CTNNA2: variants seen among roughly 807,000 people sequenced by gnomAD.
CTNNA2 encodes the protein catenin alpha-2.
Under a neutral mutation model 101.0 loss-of-function variants are expected in CTNNA2, and 42 were observed. The observed-to-expected ratio is 0.42, with a 90% CI of 0.32 to 0.54. The LOEUF (loss-of-function observed/expected upper bound fraction) is 0.54. CTNNA2 is among the 20% of genes least tolerant of loss of function. The pLI, the probability that CTNNA2 is intolerant of heterozygous loss-of-function variation, is 0.14. For missense variants in CTNNA2, 871 were observed against 1,223.1 expected (o/e 0.71, Z 4.29); for synonymous variants, 450 against 456.4 (o/e 0.99, Z 0.18).
chr2:80,216,417 T>C (rs951554094), intron 7 of CTNNA2, among the ~76,000 whole-genome samples: 5 of 152,176 alleles, frequency 3.3e-5, no homozygotes, highest in Non-Finnish European at 7.3e-5. Flanking sequence ...ATAACAATAA[T>C]AATAATAATG....
chr2:79,747,011 A>G (rs749123280), intron 3 of CTNNA2, among the ~76,000 whole-genome samples: 3 of 152,196 alleles, frequency 2.0e-5, no homozygotes, highest in Non-Finnish European at 4.4e-5. Context: ...CTACCACTGT[A>G]TCAATTCACA....
At chr2:80,224,260 C>T (rs978757632) in intron 7 of CTNNA2, among the ~76,000 whole-genome samples, 1 of 152,146 alleles carries the variant, frequency 6.6e-6, no homozygotes, top group Admixed American at 6.5e-5. Context: ...TAGCACCCAC[C>T]CTTACCCTCT....
chr2:79,263,632 T>A (rs1240042548), intron 2 of CTNNA2, among the ~76,000 whole-genome samples: 1 of 152,184 alleles, frequency 6.6e-6, no homozygotes, highest in African/African-American at 2.4e-5. Flanking sequence ...TAATCCCTAA[T>A]GCAGCAGTAT....
At chr2:80,390,126 A>T (rs1286052388) in intron 7 of CTNNA2, among the ~76,000 whole-genome samples, 1 of 152,174 alleles carries the variant, frequency 6.6e-6, no homozygotes, top group Non-Finnish European at 1.5e-5. Context: ...TCTTGTCTAC[A>T]TGACTTTCTT....
At chr2:79,255,792 G>A (rs1485203715) in intron 2 of CTNNA2, among the ~76,000 whole-genome samples, 1 of 152,130 alleles carries the variant, frequency 6.6e-6, no homozygotes, top group Non-Finnish European at 1.5e-5. Flanking sequence ...ATAAATATGG[G>A]ATTTGACAAT....
At chr2:80,415,692 A>G (rs1001918481) in intron 8 of CTNNA2, among the ~76,000 whole-genome samples, 3 of 152,142 alleles carry the variant, frequency 2.0e-5, no homozygotes, top group Admixed American at 6.6e-5. Flanking sequence ...GTAGAATCTG[A>G]TGGAAATAAA....
At chr2:79,555,141 A>C (rs2104086123) in intron 1 of CTNNA2, among the ~76,000 whole-genome samples, 1 of 152,288 alleles carries the variant, frequency 6.6e-6, no homozygotes, top group Non-Finnish European at 1.5e-5. Flanking sequence ...TTTTATGCAA[A>C]TTGAGATGCA....
At chr2:79,364,506 C>A (rs750400469) in intron 3 of CTNNA2, among the ~76,000 whole-genome samples, 8 of 152,256 alleles carry the variant, frequency 5.3e-5, no homozygotes, top group Non-Finnish European at 1.2e-4. Flanking sequence ...TTTTGAAATT[C>A]TGTGGATAAA....
intron 3 of CTNNA2, among the ~76,000 whole-genome samples, chr2:79,329,479 G>A (rs956501096): frequency 4.6e-5 from 7 of 152,150 alleles, no homozygotes; most frequent in African/African-American, 1.7e-4. Flanking sequence ...GCCTTGGGAA[G>A]CCTGGACATA....
intron 7 of CTNNA2, among the ~76,000 whole-genome samples, chr2:80,087,982 A>C (rs1699552714): frequency 1.3e-5 from 2 of 151,940 alleles, no homozygotes; most frequent in Admixed American, 6.6e-5. Flanking sequence ...CGTATTAATC[A>C]CTTCAGCCCT....
At chr2:80,378,409 A>C (rs1676183572) in intron 7 of CTNNA2, among the ~76,000 whole-genome samples, 1 of 149,536 alleles carries the variant, frequency 6.7e-6, no homozygotes, top group Admixed American at 6.7e-5. Flanking sequence ...TAAATAAATA[A>C]CAGAGAAGAC....
intron 1 of CTNNA2, among the ~76,000 whole-genome samples, chr2:79,559,294 C>G (rs1409898457): frequency 6.6e-6 from 1 of 151,872 alleles, no homozygotes; most frequent in African/African-American, 2.4e-5. Context: ...TTATGTGAAT[C>G]ACTTGGGAGC....
intron 9 of CTNNA2, among the ~76,000 whole-genome samples, chr2:80,447,494 C>T (rs879363236): frequency 1.9e-4 from 29 of 152,172 alleles, no homozygotes; most frequent in Non-Finnish European, 3.7e-4. Context: ...GCAGCCACTC[C>T]ATTCATACAA....
intron 4 of CTNNA2, among the ~76,000 whole-genome samples, chr2:79,374,458 T>C (rs1677940605): frequency 6.6e-6 from 1 of 152,158 alleles, no homozygotes; most frequent in African/African-American, 2.4e-5. Flanking sequence ...CTTTATCTCC[T>C]TCCAGGGGAG....
At chr2:79,222,127 C>T (rs1003571342) in intron 2 of CTNNA2, among the ~76,000 whole-genome samples, 2 of 152,200 alleles carry the variant, frequency 1.3e-5, no homozygotes, top group African/African-American at 4.8e-5. Context: ...TCAAAGCATG[C>T]TGCTTCTCTG....
chr2:79,501,505 G>A (rs189663582), intron 4 of CTNNA2, among the ~76,000 whole-genome samples: 2 of 152,272 alleles, frequency 1.3e-5, no homozygotes, highest in South Asian at 4.1e-4. Context: ...GCATTCAACT[G>A]CCGTAATAGT....
At chr2:80,434,431 T>C (rs913682231) in intron 9 of CTNNA2, among the ~76,000 whole-genome samples, 1 of 151,892 alleles carries the variant, frequency 6.6e-6, no homozygotes, top group Non-Finnish European at 1.5e-5. Flanking sequence ...TCGAAGGAGC[T>C]GATGATCGCT....
intron 7 of CTNNA2, among the ~76,000 whole-genome samples, chr2:80,185,328 T>C (rs1331484569): frequency 6.6e-6 from 1 of 152,028 alleles, no homozygotes; most frequent in African/African-American, 2.4e-5. Context: ...AGAGAGGGAG[T>C]AGTAACAAGA....
chr2:79,857,059 T>G (rs1045582226), intron 3 of CTNNA2, among the ~76,000 whole-genome samples: 3 of 152,200 alleles, frequency 2.0e-5, no homozygotes, highest in African/African-American at 7.2e-5. Flanking sequence ...TCCAGCCCCC[T>G]TCCTCATGGG....
Sources: gnomAD v4.1 joint callset for allele counts (sites outside exome capture counted in the v4.1 genomes callset) on GRCh38, gnomAD v4.1.1 for gene constraint, MANE v1.5 for transcripts, NCBI Gene and HGNC (gene_info 2026-07-23, HGNC 2026-07-21) for gene names.